MPG: variants seen among roughly 807,000 people sequenced by gnomAD.
MPG encodes the protein N-methylpurine DNA glycosylase, also known as DNA-3-methyladenine glycosylase.
A neutral mutation model predicts 31.7 loss-of-function variants in MPG; 33 were observed. The ratio of observed to expected loss-of-function variants is 1.04; its 90% CI spans 0.79 to 1.39. MPG has a LOEUF of 1.39. MPG is among the 40% of genes most tolerant of loss of function. The pLI is 0.00. For missense variants in MPG, 455 were observed against 415.5 expected, an observed-to-expected ratio of 1.10 and a Z score of -0.83; for synonymous variants, 202 against 169.2, an observed-to-expected ratio of 1.19 and a Z score of -1.51.
chr16:83,009 C>A, intron 2 of MPG, 43 bp from the exon 3 acceptor site: 1 of 1,508,966 alleles, frequency 6.6e-7, no homozygotes, highest in Admixed American at 1.9e-5. Context: ...GGTGAGTGGA[C>A]CCCCATCCCT....
chr16:83,195 G>C lies in MPG; in HGVS notation c.444G>C (p.Pro148=), dbSNP rs4986985. 27 of 1,613,188 alleles carry C rather than the reference G, an allele frequency of 1.7e-5. No homozygotes were observed. The South Asian group carries it at 2.9e-4, about 17-fold the overall frequency. ...GCAACCGAGGCATGTTCATGAAGCC[G>C]GGGACCCTGTACGTGTACATCATTT... The part of the protein sequence containing the change: ...TPRNRGMFMK[P]GTLYVYIIYG... Residue 148 remains proline (P), a synonymous_variant, in exon 3 of 4, where the codon CCG becomes CCC. Transcript: ENST00000356432.
At chr16:77,656 C>T (rs1898123854), upstream of MPG, among the ~76,000 whole-genome samples, 1 of 152,238 alleles carries the variant, frequency 6.6e-6, no homozygotes, top group Non-Finnish European at 1.5e-5. Flanking sequence ...GCCGCTCCCT[C>T]CTTCCTTCCC....
At position 85,665 on chromosome 16, in the gene MPG, T is replaced by C. The variant is rs771149840; in HGVS notation, c.770T>C (p.Val257Ala). The change falls in exon 4 of 4, where the codon GTG (valine) becomes GCG (alanine). Residue 257 changes from valine to alanine, a missense_variant. Transcript: ENST00000356432. ...SEPAVVAAAR[V>A]GVGHAGEWAR... ...CCGGCTGTAGTGGCAGCAGCCCGGG[T>C]GGGCGTCGGCCATGCAGGGGAGTGG... 1 of 1,577,564 alleles carries C rather than the reference T, an allele frequency of 6.3e-7. No individual in the cohort carries two copies. Among genetic ancestry groups the C allele is most frequent in the South Asian group, 1.1e-5 (1 of 87,816 alleles).
chr16:80,872 G>A (rs572800931), intron 2 of MPG, among the ~76,000 whole-genome samples: 51 of 152,302 alleles, frequency 3.3e-4, no homozygotes, highest in African/African-American at 1.1e-3. Context: ...TGGCAGGTGC[G>A]TCGTAGGAAC....
At chr16:78,380 C>T (rs1898148966) in intron 1 of MPG, 47 bp downstream of exon 1, 2 of 1,185,612 alleles carry the variant, frequency 1.7e-6, no homozygotes, top group Non-Finnish European at 2.1e-6. Flanking sequence ...CGCCCACCCC[C>T]AGGCGCAGCA....
rs3176400 is a variant in MPG at position 80,445 on chromosome 16, T to C, written c.300+745T>C. Among the ~76,000 whole-genome samples the C allele has an allele frequency of 9.8e-3, 1,498 of 152,272 alleles. 25 individuals carry two copies. The highest frequency in any genetic ancestry group is 0.033 in the African/African-American group (1,372 of 41,554). On this transcript the variant is annotated intron_variant, in intron 2 of 3. Transcript: ENST00000356432. Reference sequence around the variant, plus strand: ...GGTGCTAAAGGAGCAGACCCTAGAATGTGGGCTCGACCTCATGGAGAACAG... The same window carrying C: ...GGTGCTAAAGGAGCAGACCCTAGAACGTGGGCTCGACCTCATGGAGAACAG...
chr16:77,793 C>A (rs1596482115), upstream of MPG, among the ~76,000 whole-genome samples: 2 of 152,194 alleles, frequency 1.3e-5, no homozygotes, highest in African/African-American at 4.8e-5. Context: ...GGCGCTCACT[C>A]CGCTGGCACC....
chr16:80,277 G>A (rs1016611195), intron 2 of MPG, among the ~76,000 whole-genome samples: 1 of 152,324 alleles, frequency 6.6e-6, no homozygotes, highest in South Asian at 2.1e-4. Flanking sequence ...AGGTGGTGGC[G>A]GTGGTCCTCG....
chr16:79,173 G>A lies in MPG; in HGVS notation c.25-252G>A, dbSNP rs549200956. ...CCTGGGCCCCCATGCCGTGCAGCTC[G>A]CACATATGTGGGGCAGAGCAGCCAC... On this transcript the variant is annotated intron_variant, in intron 1 of 3. Coordinates refer to ENST00000356432, the MANE Select transcript of MPG (RefSeq NM_001015052.3). 9.9e-5 allele frequency: 152 copies of A among 1,536,184 alleles called. No individual in the cohort carries two copies. In the African/African-American group the frequency reaches 1.8e-3, roughly 19 times the overall value.
chr16:83,093 C>A lies in MPG; in HGVS notation c.342C>A (p.Gly114=). The A allele has an allele frequency of 6.2e-7, 1 of 1,611,394 alleles. No homozygotes were observed. The highest frequency in any genetic ancestry group is 1.1e-5 in the South Asian group (1 of 90,970). The change falls in exon 3 of 4, where the codon GGC becomes GGA. Residue 114 remains glycine, a synonymous_variant. Coordinates refer to ENST00000356432, the MANE Select transcript of MPG (RefSeq NM_001015052.3). The part of the protein sequence containing the change: ...RRLPNGTELR[G]RIVETEAYLG... Reference sequence around the variant, plus strand: ...TTCCTAATGGCACAGAACTCCGAGGCCGCATCGTGGAGACCGAGGCATACC... The same window carrying A: ...TTCCTAATGGCACAGAACTCCGAGGACGCATCGTGGAGACCGAGGCATACC...
In MPG at chr16:78,244, T is replaced by G. The variant is rs1482931060; in HGVS notation, c.-66T>G. ...CGCCCCGGTCCTAGGGGTGCTTCCG[T>G]GGTCGGCGGCTGCTGGGCTCCGCGC... On this transcript the variant is annotated 5_prime_UTR_variant, in exon 1 of 4. Coordinates refer to ENST00000356432, the MANE Select transcript of MPG (RefSeq NM_001015052.3). 3.0e-6 allele frequency: 4 copies of G among 1,353,366 alleles called. No individual in the cohort carries two copies. The East Asian group carries it at 9.8e-5, about 33-fold the overall frequency. The allele number at this position is 1,353,366 out of a possible 1,614,324, so 83.8% of individuals were successfully genotyped here. A position where few individuals can be genotyped will look rare whatever the true frequency, so the allele number is the denominator to read the frequency against.
At chr16:80,770 T>C (rs982441349) in intron 2 of MPG, among the ~76,000 whole-genome samples, 11 of 152,000 alleles carry the variant, frequency 7.2e-5, no homozygotes, top group African/African-American at 2.2e-4. Context: ...GATCACGCCA[T>C]TGCACTCCGG....
In MPG at chr16:83,158, G is replaced by A. The variant is rs2308312; in HGVS notation, c.407G>A (p.Arg136Gln). 3.3e-5 allele frequency: 53 copies of A among 1,613,210 alleles called. No homozygotes were observed. The highest frequency in any genetic ancestry group is 3.1e-4 in the East Asian group (14 of 44,886). The change falls in exon 3 of 4, where the codon CGG becomes CAG. Residue 136 changes from arginine to glutamine, a missense_variant. By Grantham distance (43) the Arg-to-Gln change is conservative. Coordinates refer to ENST00000356432, the MANE Select transcript of MPG (RefSeq NM_001015052.3). ...GAAGCCGCCCACTCAAGGGGTGGCC[G>A]GCAGACCCCCCGCAACCGAGGCATG... is the stretch of plus-strand genomic sequence containing the variant. ...EDEAAHSRGGRQTPRNRGMFM... is the reference protein window; with the variant it reads ...EDEAAHSRGGQQTPRNRGMFM...
At chr16:84,229 G>C (rs1209450094) in intron 3 of MPG, 1 of 152,298 alleles carries the variant, frequency 6.6e-6, no homozygotes, top group Non-Finnish European at 1.5e-5. Context: ...TGGTGAGCTG[G>C]AAGCAGCGTG....
At chr16:82,325 G>T (rs1567124579) in intron 2 of MPG, among the ~76,000 whole-genome samples, 1 of 152,226 alleles carries the variant, frequency 6.6e-6, no homozygotes, top group Admixed American at 6.5e-5. Context: ...GGCACCACAG[G>T]GCTTCGTGGG....
At chr16:83,423 G>A in intron 3 of MPG, 167 bp downstream of exon 3, 2 of 712,382 alleles carry the variant, frequency 2.8e-6, no homozygotes, top group South Asian at 1.8e-5. Context: ...ACGGGGCAGG[G>A]CTGGTTAGGT....
intron 1 of MPG, 133 bp downstream of exon 1, chr16:78,466 A>G (rs566514263): frequency 1.2e-6 from 1 of 814,780 alleles, no homozygotes; most frequent in South Asian, 5.9e-5. Flanking sequence ...GGGCAGAGCC[A>G]GAGCATAGGC....
intron 1 of MPG, 143 bp from the exon 2 acceptor site, chr16:79,279 TAAC>T: frequency 6.4e-7 from 1 of 1,571,516 alleles, no homozygotes; most frequent in Non-Finnish European, 8.6e-7. Flanking sequence ...TTGTGCCTCA[TAAC>T]AACCCACAGG....
intron 2 of MPG, chr16:79,932 C>T (rs1309845162): frequency 6.7e-6 from 4 of 595,524 alleles, no homozygotes; most frequent in Non-Finnish European, 8.8e-6. Flanking sequence ...GCAGGGGTGC[C>T]ACTGTCTGCC....
Sources: allele counts gnomAD v4.1 joint callset (sites outside exome capture counted in the v4.1 genomes callset), GRCh38; gene constraint gnomAD v4.1.1; transcripts MANE v1.5; gene names NCBI Gene and HGNC (gene_info 2026-07-23, HGNC 2026-07-21).